PRKN: variants seen among roughly 807,000 people sequenced by gnomAD.
PRKN encodes E3 ubiquitin-protein ligase parkin.
In PRKN, 56 loss-of-function variants were observed where a neutral mutation model predicts 59.5. The ratio of observed to expected loss-of-function variants is 0.94; its 90% CI spans 0.76 to 1.18. PRKN has a LOEUF of 1.18. Among genes scored for constraint, PRKN ranks in the 50% most tolerant of loss-of-function variants. The pLI, the probability that PRKN is intolerant of heterozygous loss-of-function variation, is 0.00. For missense variants in PRKN, 657 were observed against 596.4 expected, an observed-to-expected ratio of 1.10 and a Z score of -1.06; for synonymous variants, 250 against 222.1, an observed-to-expected ratio of 1.13 and a Z score of -1.12.
chr6:162,479,186 T>C (rs1297379086), intron 1 of PRKN, among the ~76,000 whole-genome samples: 2 of 152,000 alleles, frequency 1.3e-5, no homozygotes, highest in East Asian at 1.9e-4. Context: ...CCTTACTCTA[T>C]ATGCTGTTTT....
intron 6 of PRKN, among the ~76,000 whole-genome samples, chr6:161,899,431 T>C (rs79185556): frequency 6.6e-6 from 1 of 152,188 alleles, no homozygotes; most frequent in Non-Finnish European, 1.5e-5. Flanking sequence ...AAATAATATG[T>C]AGGTAATATT....
chr6:161,988,788 A>C (rs1489596839), intron 5 of PRKN, among the ~76,000 whole-genome samples: 1 of 152,188 alleles, frequency 6.6e-6, no homozygotes. Context: ...CTGTGGGTTA[A>C]AGCTACCCAA....
chr6:162,673,411 T>C (rs1779409752), intron 1 of PRKN, among the ~76,000 whole-genome samples: 1 of 152,082 alleles, frequency 6.6e-6, no homozygotes. Flanking sequence ...TAAAATGTAG[T>C]TTTCTTTTTT....
intron 6 of PRKN, among the ~76,000 whole-genome samples, chr6:161,972,508 G>A (rs1181825596): frequency 2.0e-5 from 3 of 152,132 alleles, no homozygotes; most frequent in South Asian, 2.1e-4. Context: ...GTATTGAGTC[G>A]TTTTCCCTTT....
At position 162,463,068 on chromosome 6, in the gene PRKN, CA is replaced by C. The variant is rs552790278; in HGVS notation, c.8-19596del. Among the ~76,000 whole-genome samples, 191 of 145,098 alleles carry C rather than the reference CA, an allele frequency of 1.3e-3. 4 individuals carry two copies. The highest frequency in any genetic ancestry group is 0.012 in the Admixed American group (171 of 14,632). Reference sequence around the variant, plus strand: ...TGGGTGACGGAGTGAGACTCCGTCTCAAAAAAAACAATTAAAAATTAAAAAC... The same window carrying C: ...TGGGTGACGGAGTGAGACTCCGTCTCAAAAAAACAATTAAAAATTAAAAAC... On this transcript the variant is annotated intron_variant, in intron 1 of 11. Transcript: ENST00000366898.
intron 7 of PRKN, among the ~76,000 whole-genome samples, chr6:161,744,297 G>A (rs954050108): frequency 7.3e-5 from 11 of 151,656 alleles, no homozygotes; most frequent in African/African-American, 2.7e-4. Context: ...TGAACAGTGG[G>A]TCCAAAATAA....
intron 9 of PRKN, among the ~76,000 whole-genome samples, chr6:161,520,865 T>A (rs1199024934): frequency 6.6e-6 from 1 of 152,228 alleles, no homozygotes; most frequent in African/African-American, 2.4e-5. Flanking sequence ...CGCATAGTCA[T>A]CTTTGTATCA....
intron 2 of PRKN, among the ~76,000 whole-genome samples, chr6:162,402,530 C>A (rs1288589168): frequency 6.6e-6 from 1 of 151,812 alleles, no homozygotes; most frequent in African/African-American, 2.4e-5. Flanking sequence ...TTAGGCTGAC[C>A]CCCAAAAAAG....
intron 6 of PRKN, among the ~76,000 whole-genome samples, chr6:161,831,354 G>A (rs993833009): frequency 6.6e-6 from 1 of 152,224 alleles, no homozygotes; most frequent in Non-Finnish European, 1.5e-5. Context: ...CATGTGACAT[G>A]TCAGCTGCTT....
Position 161,473,728 on chromosome 6 carries a change from T to A in PRKN, c.1083+75126A>T, listed in dbSNP as rs1030256097. On this transcript the variant is annotated intron_variant, in intron 9 of 11. Coordinates refer to ENST00000366898, the MANE Select transcript of PRKN (RefSeq NM_004562.3). This position sits in a 1 kb window ranked among gnomAD's most constrained non-coding sequence, Gnocchi z 4.1. Reference sequence around the variant, plus strand: ...GTAGATTTTAGGTGCTATTACTGTATACGTATGAAAAAAGTAACCATGAAG... The same window carrying A: ...GTAGATTTTAGGTGCTATTACTGTAAACGTATGAAAAAAGTAACCATGAAG... Among the ~76,000 whole-genome samples, 16 of 152,184 alleles carry A rather than the reference T, an allele frequency of 1.1e-4. No homozygotes were observed. The highest frequency in any genetic ancestry group is 3.6e-4 in the African/African-American group (15 of 41,434).
At chr6:162,543,308 T>C (rs1778994436) in intron 1 of PRKN, among the ~76,000 whole-genome samples, 1 of 152,136 alleles carries the variant, frequency 6.6e-6, no homozygotes, top group Non-Finnish European at 1.5e-5. Context: ...CCCAGGCTTC[T>C]TGGCTAATCT....
chr6:162,529,709 ATGTGTAGGACAAC>A (rs1362823500), intron 1 of PRKN, among the ~76,000 whole-genome samples: 51 of 152,310 alleles, frequency 3.3e-4, no homozygotes, highest in African/African-American at 1.1e-3. Context: ...TAGGAAAGGA[ATGTGTAGGACAAC>A]TGAAGTCCAT....
At position 161,423,717 on chromosome 6, in the gene PRKN, C is replaced by T. The variant is rs1166382293; in HGVS notation, c.1084-36840G>A. ...GGCTCATTGTCCCACCAGTCCCTTC[C>T]ACTGCTCTTGTTCCTGGTCTCATAG... On this transcript the variant is annotated intron_variant, in intron 9 of 11. Coordinates refer to ENST00000366898, the MANE Select transcript of PRKN (RefSeq NM_004562.3). The surrounding 1 kb of genome is among the most constrained non-coding windows in gnomAD (Gnocchi z 5.9). Among the ~76,000 whole-genome samples the T allele has an allele frequency of 6.6e-6, 1 of 152,150 alleles. No individual in the cohort carries two copies. The highest frequency in any genetic ancestry group is 1.5e-5 in the Non-Finnish European group (1 of 68,026).
intron 1 of PRKN, among the ~76,000 whole-genome samples, chr6:162,650,159 G>T (rs2128226335): frequency 6.6e-6 from 1 of 152,250 alleles, no homozygotes; most frequent in Non-Finnish European, 1.5e-5. Context: ...AGTAGAAGCT[G>T]CCTTAAAAGC....
chr6:162,444,691 T>C (rs1294725264), intron 1 of PRKN, among the ~76,000 whole-genome samples: 1 of 152,140 alleles, frequency 6.6e-6, no homozygotes, highest in Non-Finnish European at 1.5e-5. Context: ...TTACTATATA[T>C]GTCTTTTAAT....
intron 7 of PRKN, among the ~76,000 whole-genome samples, chr6:161,750,701 A>G (rs1788653217): frequency 6.6e-6 from 1 of 150,680 alleles, no homozygotes; most frequent in Non-Finnish European, 1.5e-5. Flanking sequence ...CAGGAGGCAG[A>G]GGTTGCAGTG....
Position 161,661,253 on chromosome 6 carries a change from TC to T in PRKN, c.872-91838del, listed in dbSNP as rs541456109. Among the ~76,000 whole-genome samples, 29 of 152,284 alleles carry T rather than the reference TC, an allele frequency of 1.9e-4. No individual in the cohort carries two copies. The East Asian group carries it at 4.4e-3, about 23-fold the overall frequency. On this transcript the variant is annotated intron_variant, in intron 7 of 11. Transcript: ENST00000366898. ...ACCCTCACGGAGTCTGACAGGGCCC[TC>T]TGAACACAGGGCCCTGCTACTTCTC...
At position 162,161,582 on chromosome 6, in the gene PRKN, C is replaced by T. The variant is rs115110859; in HGVS notation, c.534+39549G>A. 2.7e-3 allele frequency among the ~76,000 whole-genome samples: 414 copies of T among 152,296 alleles called. 1 individual carries two copies. Among genetic ancestry groups the T allele is most frequent in the African/African-American group, 9.6e-3 (400 of 41,560 alleles). On this transcript the variant is annotated intron_variant, in intron 4 of 11. Coordinates refer to ENST00000366898, the MANE Select transcript of PRKN (RefSeq NM_004562.3). ...TATGATGGGAATCATCTTTGTCCGG[C>T]GTATCCACCCTGTTTCTGCAGCCTG...
chr6:162,339,764 T>C (rs1784076985), intron 2 of PRKN, among the ~76,000 whole-genome samples: 3 of 151,652 alleles, frequency 2.0e-5, no homozygotes, highest in African/African-American at 7.3e-5. Context: ...GAAGTAGACA[T>C]GGGAGACTTT....
Sources: gnomAD v4.1 joint callset for allele counts (sites outside exome capture counted in the v4.1 genomes callset) on GRCh38, gnomAD v4.1.1 for gene constraint, Gnocchi (gnomAD v3.1) non-coding constraint, MANE v1.5 for transcripts, NCBI Gene and HGNC (gene_info 2026-07-23, HGNC 2026-07-21) for gene names.